Variants in ELF2 observed in about 807,000 individuals in gnomAD.
ELF2 encodes the protein E74 like ETS transcription factor 2.
Under a neutral mutation model 54.8 loss-of-function variants are expected in ELF2, and 11 were observed. The observed-to-expected ratio is 0.20, with a 90% CI of 0.13 to 0.33. The LOEUF is 0.33. Among genes scored for constraint, ELF2 ranks in the 10% least tolerant of loss-of-function variants. The probability of loss-of-function intolerance (pLI) is 1.00; values close to 1 mark genes in which losing one functional copy is unlikely to be tolerated. For synonymous variants in ELF2, 203 were observed against 245.1 expected, an observed-to-expected ratio of 0.83 and a Z score of 1.61; for missense variants, 513 against 703.0, an observed-to-expected ratio of 0.73 and a Z score of 3.06.
chr4:139,171,634 C>T (rs1466215857), intron 1 of ELF2, among the ~76,000 whole-genome samples: 1 of 150,272 alleles, frequency 6.7e-6, no homozygotes, highest in African/African-American at 2.4e-5. Flanking sequence ...AACAAATTAA[C>T]AAAATCAGGC....
chr4:139,137,380 T>G, intron 3 of ELF2: 1 of 554,712 alleles, frequency 1.8e-6, no homozygotes, highest in Non-Finnish European at 3.2e-6. Flanking sequence ...AATACTATAG[T>G]GTTCTTTCCA....
intron 4 of ELF2, among the ~76,000 whole-genome samples, chr4:139,090,678 TC>T (rs1732472960): frequency 6.6e-6 from 1 of 152,128 alleles, no homozygotes; most frequent in South Asian, 2.1e-4. Flanking sequence ...CAATGCAACC[TC>T]CGCCTCCCAG....
chr4:139,119,757 C>A (rs1272785359), intron 4 of ELF2, among the ~76,000 whole-genome samples: 1 of 152,094 alleles, frequency 6.6e-6, no homozygotes, highest in Non-Finnish European at 1.5e-5. Flanking sequence ...CTTGACTACA[C>A]ATTTGTGCAT....
chr4:139,137,723 C>A lies in ELF2; in HGVS notation c.-22G>T, dbSNP rs761823047. 6.2e-7 allele frequency: 1 copy of A among 1,613,600 alleles called. No homozygotes were observed. The highest frequency in any genetic ancestry group is 8.5e-7 in the Non-Finnish European group (1 of 1,179,928). ...TCATTGTTATTCCCTGAGGAAGCTT[C>A]AAACGCTATTAATCAATGAAATTAA... On this transcript the variant is annotated 5_prime_UTR_variant, in exon 3 of 10. Transcript: ENST00000686138.
chr4:139,109,493 T>C (rs1350559095), intron 4 of ELF2, among the ~76,000 whole-genome samples: 1 of 152,208 alleles, frequency 6.6e-6, no homozygotes, highest in Non-Finnish European at 1.5e-5. Context: ...GGCTGTTCTA[T>C]AAGACATTTA....
chr4:139,110,069 G>C (rs1426014233), intron 4 of ELF2, among the ~76,000 whole-genome samples: 1 of 152,034 alleles, frequency 6.6e-6, no homozygotes, highest in Non-Finnish European at 1.5e-5. Flanking sequence ...GCTATTTTTT[G>C]ATGTAAGCAT....
At position 139,169,087 on chromosome 4, in the gene ELF2, C is replaced by G. The variant is rs528408866; in HGVS notation, c.-252+7880G>C. 4.0e-5 allele frequency among the ~76,000 whole-genome samples: 6 copies of G among 151,822 alleles called. No individual in the cohort carries two copies. The South Asian group carries it at 1.3e-3, about 32-fold the overall frequency. Reference sequence around the variant, plus strand: ...GGGAGGCCGAGACAGGCAGATCACGCTTGTAATCCCAGCACTTTGGGAGGC... The same window carrying G: ...GGGAGGCCGAGACAGGCAGATCACGGTTGTAATCCCAGCACTTTGGGAGGC... On this transcript the variant is annotated intron_variant, in intron 1 of 9. Coordinates refer to ENST00000686138, the MANE Select transcript of ELF2 (RefSeq NM_001331036.3).
chr4:139,112,732 A>G (rs535004593), intron 4 of ELF2, among the ~76,000 whole-genome samples: 157 of 152,006 alleles, frequency 1.0e-3, no homozygotes, highest in Non-Finnish European at 1.9e-3. Flanking sequence ...GTATTTATTG[A>G]TCATTCTTGG....
intron 4 of ELF2, among the ~76,000 whole-genome samples, chr4:139,109,215 T>C (rs1335987271): frequency 3.9e-5 from 6 of 152,128 alleles, no homozygotes; most frequent in Non-Finnish European, 8.8e-5. Context: ...TTATTTCTGG[T>C]CACTAATGTA....
intron 4 of ELF2, among the ~76,000 whole-genome samples, chr4:139,118,588 A>C (rs1735990767): frequency 6.6e-6 from 1 of 152,226 alleles, no homozygotes; most frequent in African/African-American, 2.4e-5. Flanking sequence ...AAATCTGATA[A>C]AGAGCTTCAG....
chr4:139,136,494 G>A (rs1191362944), intron 3 of ELF2, among the ~76,000 whole-genome samples: 3 of 120,540 alleles, frequency 2.5e-5, no homozygotes, highest in Non-Finnish European at 6.2e-5. Context: ...CCATTATACC[G>A]TTATACTGGT....
chr4:139,076,375 A>G (rs1330640170), intron 4 of ELF2, among the ~76,000 whole-genome samples: 1 of 152,198 alleles, frequency 6.6e-6, no homozygotes, highest in Non-Finnish European at 1.5e-5. Flanking sequence ...TATTAAGTAT[A>G]AGACATATTA....
At chr4:139,084,154 G>A (rs201085642) in intron 4 of ELF2, 41 of 1,613,482 alleles carry the variant, frequency 2.5e-5, no homozygotes, top group South Asian at 1.2e-4. Context: ...AGCAGATCCA[G>A]CTGGTTCGTG....
chr4:139,166,317 G>T (rs554324263), intron 1 of ELF2, among the ~76,000 whole-genome samples: 47 of 152,284 alleles, frequency 3.1e-4, no homozygotes, highest in South Asian at 6.2e-4. Flanking sequence ...AACCCAGGAA[G>T]TGGAGGTTGC....
intron 4 of ELF2, among the ~76,000 whole-genome samples, chr4:139,074,490 G>A (rs1365701654): frequency 1.3e-5 from 2 of 152,090 alleles, no homozygotes; most frequent in Non-Finnish European, 2.9e-5. Context: ...AGGGGGGCCG[G>A]GTGTGGTGGC....
chr4:139,095,816 G>T (rs1050119007), intron 4 of ELF2, among the ~76,000 whole-genome samples: 12 of 152,106 alleles, frequency 7.9e-5, no homozygotes, highest in Non-Finnish European at 1.8e-4. Flanking sequence ...AGGCCAAGGC[G>T]GGTGGATCAC....
intron 1 of ELF2, among the ~76,000 whole-genome samples, chr4:139,168,139 T>C (rs1267912480): frequency 6.6e-6 from 1 of 152,186 alleles, no homozygotes; most frequent in Non-Finnish European, 1.5e-5. Context: ...AGTAAAGAAA[T>C]GTCTGTGCTA....
intron 1 of ELF2, among the ~76,000 whole-genome samples, chr4:139,170,723 T>TTA (rs1414859286): frequency 1.4e-5 from 2 of 145,214 alleles, no homozygotes; most frequent in Non-Finnish European, 3.0e-5. Context: ...TTACATTATA[T>TTA]TATATTATAT....
intron 1 of ELF2, among the ~76,000 whole-genome samples, chr4:139,161,027 TCTCCATGTGTGTATACACACACGTGTGC>T (rs1173383230): frequency 6.6e-6 from 1 of 152,200 alleles, no homozygotes; most frequent in Non-Finnish European, 1.5e-5. Context: ...TCTGTGTGTG[TCTCCATGTGTGTATACACACACGTGTGC>T]CTAGATATGT....
Sources: allele counts gnomAD v4.1 joint callset (sites outside exome capture counted in the v4.1 genomes callset), GRCh38; gene constraint gnomAD v4.1.1; transcripts MANE v1.5; gene names NCBI Gene and HGNC (gene_info 2026-07-23, HGNC 2026-07-21).